Variants in GLRB observed in about 807,000 individuals in gnomAD.
The protein encoded by GLRB is glycine receptor beta, also known as glycine receptor subunit beta.
GLRB carries 33 observed loss-of-function variants against 54.2 expected under a neutral mutation model. The ratio of observed to expected loss-of-function variants is 0.61; its 90% CI spans 0.46 to 0.81. The LOEUF (loss-of-function observed/expected upper bound fraction) is 0.81, where lower values mean the gene tolerates loss of function less well. Among genes scored for constraint, GLRB ranks in the 40% least tolerant of loss-of-function variants. The pLI is 0.00. For missense variants in GLRB, 572 were observed against 584.6 expected, an observed-to-expected ratio of 0.98 and a Z score of 0.22; for synonymous variants, 209 against 208.2, an observed-to-expected ratio of 1.00 and a Z score of -0.03.
Position 157,077,364 on chromosome 4 carries a change from C to T in GLRB, c.-29-632C>T, listed in dbSNP as rs540794644. On this transcript the variant is annotated intron_variant, in intron 1 of 9. Coordinates refer to ENST00000264428, the MANE Select transcript of GLRB (RefSeq NM_000824.5). Reference sequence around the variant, plus strand: ...ATAAGTAAGAAAGCTTTAAAGCTAACTTAAGAGGCACCTTTTTGGGGCAAA... The same window carrying T: ...ATAAGTAAGAAAGCTTTAAAGCTAATTTAAGAGGCACCTTTTTGGGGCAAA... 3.3e-5 allele frequency among the ~76,000 whole-genome samples: 5 copies of T among 152,138 alleles called. No individual in the cohort carries two copies. In the South Asian group the frequency reaches 1.0e-3, roughly 32 times the overall value.
intron 9 of GLRB, among the ~76,000 whole-genome samples, chr4:157,156,270 T>C (rs1737223787): frequency 1.3e-5 from 2 of 152,234 alleles, no homozygotes; most frequent in African/African-American, 2.4e-5. Flanking sequence ...AAGGTTATTC[T>C]AATTTTTTTG....
At chr4:157,113,261 G>A (rs532269120) in intron 2 of GLRB, among the ~76,000 whole-genome samples, 7 of 151,932 alleles carry the variant, frequency 4.6e-5, no homozygotes, top group African/African-American at 1.2e-4. Context: ...GTTAGAAGTC[G>A]TAACTATGGA....
At chr4:157,108,463 A>G (rs1374843758) in intron 2 of GLRB, among the ~76,000 whole-genome samples, 1 of 152,114 alleles carries the variant, frequency 6.6e-6, no homozygotes, top group African/African-American at 2.4e-5. Flanking sequence ...GACTTTGAGT[A>G]GTTCAAAACT....
At chr4:157,095,498 TG>T (rs1253567410) in intron 2 of GLRB, among the ~76,000 whole-genome samples, 2 of 152,006 alleles carry the variant, frequency 1.3e-5, no homozygotes, top group Non-Finnish European at 2.9e-5. Context: ...TAGTCTAGGC[TG>T]GAGGTATACA....
At chr4:157,088,566 T>C (rs1734494643) in intron 2 of GLRB, among the ~76,000 whole-genome samples, 1 of 152,154 alleles carries the variant, frequency 6.6e-6, no homozygotes, top group Admixed American at 6.6e-5. Context: ...TAGCATAACA[T>C]TTTAACTTTT....
intron 2 of GLRB, among the ~76,000 whole-genome samples, chr4:157,082,379 A>C (rs1206393805): frequency 1.3e-5 from 2 of 152,220 alleles, no homozygotes; most frequent in African/African-American, 4.8e-5. Flanking sequence ...CTAGATTGTA[A>C]GCTCCATGAG....
intron 9 of GLRB, among the ~76,000 whole-genome samples, chr4:157,157,598 T>A (rs531745924): frequency 2.9e-4 from 44 of 152,262 alleles, no homozygotes; most frequent in Middle Eastern, 3.4e-3. Flanking sequence ...GTGTTTGGTG[T>A]TCTGTCTTTG....
At chr4:157,142,174 A>G (rs1308354506) in intron 7 of GLRB, among the ~76,000 whole-genome samples, 2 of 152,108 alleles carry the variant, frequency 1.3e-5, no homozygotes, top group Non-Finnish European at 2.9e-5. Flanking sequence ...TGTTAGTTAG[A>G]AACATATGTT....
chr4:157,098,498 A>G (rs1353327517), intron 2 of GLRB, among the ~76,000 whole-genome samples: 1 of 152,180 alleles, frequency 6.6e-6, no homozygotes, highest in East Asian at 1.9e-4. Context: ...AGGTACCATG[A>G]TGAGACAGTT....
chr4:157,122,351 T>G lies in GLRB; in HGVS notation c.251T>G (p.Val84Gly), dbSNP rs1277531132. 2 of 1,301,622 alleles carry G rather than the reference T, an allele frequency of 1.5e-6. No individual in the cohort carries two copies. The highest frequency in any genetic ancestry group is 1.1e-6 in the Non-Finnish European group (1 of 908,690). 80.6% of individuals were successfully genotyped at this position (1,301,622 alleles called of 1,614,324 possible). A position where few individuals can be genotyped will look rare whatever the true frequency, so the allele number is the denominator to read the frequency against. Residue 84 changes from valine (V) to glycine (G), a missense_variant, in exon 4 of 10, where the codon GTC becomes GGC. Coordinates refer to ENST00000264428, the MANE Select transcript of GLRB (RefSeq NM_000824.5). ...ATAGGCATTCCTGTTGATGTAGTAGTCAACATTTTTATTAACAGTTTTGGA... is the reference window on the plus strand; with the variant it reads ...ATAGGCATTCCTGTTGATGTAGTAGGCAACATTTTTATTAACAGTTTTGGA... ...NFKGIPVDVV[V>G]NIFINSFGSI...
At chr4:157,097,396 C>T (rs900866296) in intron 2 of GLRB, among the ~76,000 whole-genome samples, 2 of 152,042 alleles carry the variant, frequency 1.3e-5, no homozygotes, top group East Asian at 1.9e-4. Context: ...AAGTGATTTT[C>T]GAGAATGATA....
At chr4:157,168,497 A>T (rs79056494) in intron 9 of GLRB, among the ~76,000 whole-genome samples, 4,525 of 152,258 alleles carry the variant, frequency 0.03, 106 homozygotes, top group African/African-American at 0.066. Flanking sequence ...CTGTCTAGAA[A>T]AAAAAATCAT....
chr4:157,083,383 G>T (rs1350397276), intron 2 of GLRB, among the ~76,000 whole-genome samples: 2 of 144,242 alleles, frequency 1.4e-5, no homozygotes, highest in African/African-American at 5.3e-5. Flanking sequence ...GGATATTTTT[G>T]GCTCCAAGTT....
intron 2 of GLRB, among the ~76,000 whole-genome samples, chr4:157,108,969 T>C (rs959737897): frequency 1.8e-4 from 28 of 152,134 alleles, no homozygotes; most frequent in African/African-American, 6.5e-4. Flanking sequence ...GCAAAAAAGA[T>C]GAAACCTTGT....
intron 2 of GLRB, among the ~76,000 whole-genome samples, chr4:157,115,024 AG>A (rs1462825728): frequency 9.8e-6 from 1 of 101,772 alleles, no homozygotes; most frequent in Non-Finnish European, 2.2e-5. Flanking sequence ...TCCACCAATT[AG>A]AAAGCAGAAG....
intron 4 of GLRB, among the ~76,000 whole-genome samples, chr4:157,122,779 T>C (rs1197707297): frequency 2.0e-5 from 3 of 151,784 alleles, no homozygotes; most frequent in Non-Finnish European, 4.4e-5. Context: ...TTCTTCCAAT[T>C]TCCTGAGGAG....
chr4:157,081,785 T>A (rs1187722145), intron 2 of GLRB, among the ~76,000 whole-genome samples: 1 of 152,190 alleles, frequency 6.6e-6, no homozygotes, highest in Non-Finnish European at 1.5e-5. Context: ...TTACCGTGTA[T>A]TTTCCCAATA....
At chr4:157,141,677 T>G (rs1365008844) in intron 7 of GLRB, among the ~76,000 whole-genome samples, 2 of 152,014 alleles carry the variant, frequency 1.3e-5, no homozygotes, top group East Asian at 3.9e-4. Flanking sequence ...CACCTGCCTC[T>G]CATAAATGTT....
At chr4:157,163,832 G>A (rs2126627544) in intron 9 of GLRB, among the ~76,000 whole-genome samples, 1 of 150,140 alleles carries the variant, frequency 6.7e-6, no homozygotes, top group East Asian at 2.0e-4. Flanking sequence ...CTGTGTGAGT[G>A]TGTGTGTGTG....
Sources: gnomAD v4.1 joint callset for allele counts (sites outside exome capture counted in the v4.1 genomes callset) on GRCh38, gnomAD v4.1.1 for gene constraint, MANE v1.5 for transcripts, NCBI Gene and HGNC (gene_info 2026-07-23, HGNC 2026-07-21) for gene names.